Variants in NEK7 observed in about 807,000 individuals in gnomAD.
NEK7 encodes the protein serine/threonine-protein kinase Nek7.
In NEK7, 18 loss-of-function variants were observed where a neutral mutation model predicts 44.6. That is an observed-to-expected ratio of 0.40 (90% confidence interval 0.28 to 0.60). The LOEUF is 0.60. Ranked by LOEUF, NEK7 falls within the 20% of genes least tolerant of loss-of-function variation. NEK7 has a pLI of 0.38. For synonymous variants in NEK7, 130 were observed against 121.1 expected (o/e 1.07, Z -0.48); for missense variants, 256 against 366.5 (o/e 0.70, Z 2.46).
intron 2 of NEK7, among the ~76,000 whole-genome samples, chr1:198,251,591 G>T (rs939978984): frequency 6.6e-6 from 1 of 152,002 alleles, no homozygotes; most frequent in African/African-American, 2.4e-5. Context: ...ACTTCTTCCT[G>T]GTTTAGTCTT....
chr1:198,199,518 C>G (rs1028775981), intron 1 of NEK7, among the ~76,000 whole-genome samples: 1 of 151,666 alleles, frequency 6.6e-6, no homozygotes, highest in South Asian at 2.1e-4. Context: ...TTTAACTCCT[C>G]TCTCTATACT....
At chr1:198,249,029 A>G (rs1463423248) in intron 2 of NEK7, among the ~76,000 whole-genome samples, 7 of 134,758 alleles carry the variant, frequency 5.2e-5, no homozygotes, top group African/African-American at 1.6e-4. Flanking sequence ...TCCTAAAGCT[A>G]TCCCTCCCCC....
chr1:198,241,832 A>G (rs1198098073), intron 2 of NEK7, among the ~76,000 whole-genome samples: 2 of 152,142 alleles, frequency 1.3e-5, no homozygotes, highest in Non-Finnish European at 2.9e-5. Flanking sequence ...TGCTTGACAC[A>G]TAGTTAGCAT....
chr1:198,223,906 T>C (rs1666140392), intron 1 of NEK7, among the ~76,000 whole-genome samples: 2 of 152,136 alleles, frequency 1.3e-5, no homozygotes, highest in African/African-American at 4.8e-5. Flanking sequence ...AGATGACCAA[T>C]GTAAAAATCT....
chr1:198,228,953 A>G (rs1158319511), intron 1 of NEK7, among the ~76,000 whole-genome samples: 1 of 152,154 alleles, frequency 6.6e-6, no homozygotes, highest in Non-Finnish European at 1.5e-5. Flanking sequence ...GCCCGTTTTC[A>G]AAGGGAATGC....
At chr1:198,231,297 GTGTGTATATATATATATATATATATATA>G in intron 1 of NEK7, among the ~76,000 whole-genome samples, 1 of 90,188 alleles carries the variant, frequency 1.1e-5, no homozygotes. Context: ...GTGTATGTGT[GTGTGTATATATATATATATATATATATA>G]TATATATATA....
intron 1 of NEK7, among the ~76,000 whole-genome samples, chr1:198,174,629 A>G (rs536999770): frequency 6.6e-6 from 1 of 152,334 alleles, no homozygotes; most frequent in East Asian, 1.9e-4. Flanking sequence ...GGACATCAGA[A>G]GACCTGAGCT....
At chr1:198,238,320 A>G (rs1271361477) in intron 2 of NEK7, among the ~76,000 whole-genome samples, 1 of 152,070 alleles carries the variant, frequency 6.6e-6, no homozygotes, top group Non-Finnish European at 1.5e-5. Flanking sequence ...CCTCTTCTAG[A>G]ACACTACTTC....
chr1:198,225,105 G>A (rs7517710), intron 1 of NEK7, among the ~76,000 whole-genome samples: 30,075 of 151,848 alleles, frequency 0.2, 3,557 homozygotes, highest in African/African-American at 0.31. Context: ...CACTTTGGGA[G>A]GCTGAGGTGG....
At chr1:198,309,666 T>A (rs1655115240) in intron 9 of NEK7, among the ~76,000 whole-genome samples, 1 of 151,654 alleles carries the variant, frequency 6.6e-6, no homozygotes, top group Admixed American at 6.6e-5. Flanking sequence ...ATTGTTCAAT[T>A]CCCACCTATG....
intron 1 of NEK7, among the ~76,000 whole-genome samples, chr1:198,231,305 A>ATG (rs1558068370): frequency 0.017 from 1,488 of 87,952 alleles, 38 homozygotes; most frequent in East Asian, 0.16. Context: ...GTGTGTGTAT[A>ATG]TATATATATA....
chr1:198,171,317 AG>A (rs1664432928), intron 1 of NEK7, among the ~76,000 whole-genome samples: 1 of 152,100 alleles, frequency 6.6e-6, no homozygotes, highest in Non-Finnish European at 1.5e-5. Flanking sequence ...AGTTCTAACT[AG>A]GTTTTTTCCT....
At chr1:198,218,929 G>A (rs1257931627) in intron 1 of NEK7, among the ~76,000 whole-genome samples, 1 of 151,936 alleles carries the variant, frequency 6.6e-6, no homozygotes, top group African/African-American at 2.4e-5. Flanking sequence ...CATGGATATG[G>A]TGAAAAAGGA....
At chr1:198,314,660 C>T (rs1422145336) in intron 9 of NEK7, among the ~76,000 whole-genome samples, 6 of 152,142 alleles carry the variant, frequency 3.9e-5, no homozygotes, top group Non-Finnish European at 7.3e-5. Flanking sequence ...CAGACAGGAC[C>T]CTCAGCTGCA....
chr1:198,264,412 C>T (rs895940773), intron 5 of NEK7, among the ~76,000 whole-genome samples, 177 bp downstream of exon 5: 4 of 151,880 alleles, frequency 2.6e-5, no homozygotes, highest in African/African-American at 9.7e-5. Flanking sequence ...AACTGGTTTA[C>T]TTGGTGATGT....
intron 5 of NEK7, among the ~76,000 whole-genome samples, chr1:198,272,193 A>C (rs1270404727): frequency 6.6e-6 from 1 of 151,726 alleles, no homozygotes; most frequent in Non-Finnish European, 1.5e-5. Flanking sequence ...ACCATTATTT[A>C]ATTCTGTGAG....
intron 1 of NEK7, among the ~76,000 whole-genome samples, chr1:198,218,779 T>C (rs1212484793): frequency 6.7e-6 from 1 of 148,700 alleles, no homozygotes; most frequent in Non-Finnish European, 1.5e-5. Context: ...AAAGAAGATA[T>C]ACAAGTGGCC....
At chr1:198,198,177 G>T (rs954768257) in intron 1 of NEK7, 1 of 755,438 alleles carries the variant, frequency 1.3e-6, no homozygotes, top group South Asian at 1.4e-5. Context: ...CCGGCATTGG[G>T]ATTCCACATG....
chr1:198,251,568 A>G (rs1652989551), intron 2 of NEK7, among the ~76,000 whole-genome samples: 1 of 152,154 alleles, frequency 6.6e-6, no homozygotes, highest in African/African-American at 2.4e-5. Context: ...TTATTGGTTT[A>G]TTCAGAGATT....
Sources: allele counts gnomAD v4.1 joint callset (sites outside exome capture counted in the v4.1 genomes callset), GRCh38; gene constraint gnomAD v4.1.1; transcripts MANE v1.5; gene names NCBI Gene and HGNC (gene_info 2026-07-23, HGNC 2026-07-21).